The following SHROOM2 variants were observed in gnomAD, a reference collection of about 807,000 sequenced individuals.
The protein encoded by SHROOM2 is shroom family member 2, also known as protein Shroom2.
SHROOM2 carries 33 observed loss-of-function variants against 75.9 expected under a neutral mutation model. The observed-to-expected ratio is 0.43, with a 90% confidence interval of 0.33 to 0.58. The LOEUF is 0.58. Ranked by LOEUF, SHROOM2 falls within the 20% of genes least tolerant of loss-of-function variation. SHROOM2 has a pLI of 0.04. For synonymous variants in SHROOM2, 655 were observed against 663.6 expected, an observed-to-expected ratio of 0.99 and a Z score of 0.20; for missense variants, 1,434 against 1,461.2, an observed-to-expected ratio of 0.98 and a Z score of 0.30.
At chrX:9,831,643 A>G (rs1414574964) in intron 1 of SHROOM2, among the ~76,000 whole-genome samples, 1 of 112,074 alleles carries the variant, frequency 8.9e-6, no homozygotes, top group Non-Finnish European at 1.9e-5. Flanking sequence ...GGGCAATGAG[A>G]GCAAAACTCC....
intron 8 of SHROOM2, among the ~76,000 whole-genome samples, chrX:9,941,138 C>T (rs941259056): frequency 9.0e-6 from 1 of 111,269 alleles, no homozygotes; most frequent in Non-Finnish European, 1.9e-5. Context: ...TATGGCTTTT[C>T]CCTGGAACCA....
rs780154200 is a variant in SHROOM2 at position 9,919,898 on chromosome X, GA to G, written c.2892-12276del. On this transcript the variant is annotated intron_variant, in intron 5 of 9. Coordinates refer to ENST00000380913, the MANE Select transcript of SHROOM2 (RefSeq NM_001649.4). ...TCAACTCAGTACAACTCATCAGACA[GA>G]CATCTCAAATCACTACAGCTCATCA... is the stretch of plus-strand genomic sequence containing the variant. Among the ~76,000 whole-genome samples the G allele has an allele frequency of 8.1e-5, 9 of 110,660 alleles. No homozygotes were observed. The East Asian group carries it at 2.0e-3, about 25-fold the overall frequency.
chrX:9,792,034 T>C (rs1273589569), intron 1 of SHROOM2, among the ~76,000 whole-genome samples: 1 of 3,531 alleles, frequency 2.8e-4, no homozygotes, highest in African/African-American at 8.0e-4. Context: ...TAGAATAGAA[T>C]AGAATAGAAT....
intron 1 of SHROOM2, among the ~76,000 whole-genome samples, chrX:9,788,271 T>C (rs2083627796): frequency 1.2e-5 from 1 of 83,428 alleles, no homozygotes; most frequent in Non-Finnish European, 2.7e-5. Context: ...AAAAAATAGC[T>C]CTTCTAATCG....
chrX:9,827,616 G>C (rs183090776), intron 1 of SHROOM2, among the ~76,000 whole-genome samples: 9 of 109,534 alleles, frequency 8.2e-5, no homozygotes, highest in Admixed American at 2.9e-4. Flanking sequence ...AAAAGGTGTA[G>C]TCTGTGCTGA....
At chrX:9,933,680 A>G in intron 6 of SHROOM2, among the ~76,000 whole-genome samples, 1 of 111,933 alleles carries the variant, frequency 8.9e-6, no homozygotes, top group Admixed American at 9.5e-5. Flanking sequence ...AGGAGGCTGA[A>G]GTGGGAGGAT....
intron 1 of SHROOM2, among the ~76,000 whole-genome samples, chrX:9,816,141 A>G (rs146215509): frequency 1.9e-3 from 209 of 112,465 alleles, no homozygotes; most frequent in Non-Finnish European, 3.0e-3. Flanking sequence ...TCTGAATGCT[A>G]TTGTCCTATG....
chrX:9,912,107 A>AACAC (rs61080253), intron 5 of SHROOM2, among the ~76,000 whole-genome samples: 974 of 26,425 alleles, frequency 0.037, 37 homozygotes, highest in Middle Eastern at 0.079. Flanking sequence ...CCTTTCTCCA[A>AACAC]ACACACACAC....
intron 8 of SHROOM2, among the ~76,000 whole-genome samples, chrX:9,939,914 G>A (rs1459494710): frequency 9.0e-6 from 1 of 111,474 alleles, no homozygotes; most frequent in Non-Finnish European, 1.9e-5. Flanking sequence ...AGCCCCTCGA[G>A]TAGCTGGGAT....
At position 9,896,693 on chromosome X, in the gene SHROOM2, A is replaced by C; in HGVS notation, c.2785A>C (p.Lys929Gln). The change falls in exon 4 of 10, where the codon AAG becomes CAG. Residue 929 changes from lysine (K) to glutamine (Q), a missense_variant. This residue lies in a region of SHROOM2 where 1,340 missense variants were observed against 1,338.3 expected (regional missense o/e 1.00). Coordinates refer to ENST00000380913, the MANE Select transcript of SHROOM2 (RefSeq NM_001649.4). ...GTCTTCACCGTCCACAGACCACTAC[A>C]AGCAGGTAAGCATGGAGCCACAGCC... Reference protein sequence around the residue: ...SRSSPSTDHYKQEASVELRRQ... With the variant: ...SRSSPSTDHYQQEASVELRRQ... The C allele has an allele frequency of 8.5e-7, 1 of 1,172,587 alleles. No individual in the cohort carries two copies. The highest frequency in any genetic ancestry group is 1.1e-6 in the Non-Finnish European group (1 of 874,961).
intron 1 of SHROOM2, among the ~76,000 whole-genome samples, chrX:9,798,450 A>G (rs961194107): frequency 1.9e-4 from 21 of 111,894 alleles, no homozygotes; most frequent in African/African-American, 6.8e-4. Context: ...AATAAAGGAA[A>G]AGATTGATCC....
intron 1 of SHROOM2, among the ~76,000 whole-genome samples, chrX:9,794,042 G>A (rs2083681616): frequency 8.9e-6 from 1 of 112,298 alleles, no homozygotes; most frequent in African/African-American, 3.2e-5. Flanking sequence ...ACTAAGGCTG[G>A]CCTCTTCCCC....
intron 1 of SHROOM2, among the ~76,000 whole-genome samples, chrX:9,827,049 T>C (rs776996990): frequency 1.7e-4 from 19 of 109,861 alleles, no homozygotes; most frequent in Non-Finnish European, 3.2e-4. Context: ...TTGGCTGTGC[T>C]CCCTGGGGGA....
chrX:9,799,977 A>G (rs925509851), intron 1 of SHROOM2, among the ~76,000 whole-genome samples: 1 of 111,140 alleles, frequency 9.0e-6, no homozygotes, highest in East Asian at 2.8e-4. Context: ...CTGAATTTCT[A>G]ATCTTGATCA....
At chrX:9,943,790 G>A (rs2084792453) in intron 8 of SHROOM2, among the ~76,000 whole-genome samples, 1 of 112,354 alleles carries the variant, frequency 8.9e-6, no homozygotes, top group African/African-American at 3.2e-5. Context: ...GTAAAAGACT[G>A]TTAAGTTCAT....
At chrX:9,864,519 AAAAAAT>A (rs983893838) in intron 1 of SHROOM2, among the ~76,000 whole-genome samples, 8 of 111,624 alleles carry the variant, frequency 7.2e-5, no homozygotes, top group Non-Finnish European at 1.5e-4. Flanking sequence ...TCGTCTCTAC[AAAAAAT>A]AAAAATAAAT....
intron 2 of SHROOM2, among the ~76,000 whole-genome samples, chrX:9,889,699 C>A (rs968020889): frequency 1.8e-5 from 2 of 112,218 alleles, no homozygotes; most frequent in Non-Finnish European, 3.8e-5. Context: ...GGAGCCCTGG[C>A]TGAAGGGACT....
At chrX:9,795,581 A>G (rs1352058525) in intron 1 of SHROOM2, among the ~76,000 whole-genome samples, 1 of 110,731 alleles carries the variant, frequency 9.0e-6, no homozygotes, top group Non-Finnish European at 1.9e-5. Flanking sequence ...TCCCTGTTAG[A>G]GGTTGTCTTC....
rs767902445 is a variant in SHROOM2, at chrX:9,895,432, C to T, written c.1524C>T (p.Pro508=). ...CCCTTGGAGCCCTCGAGAGTCTTCC[C>T]CCACCCACGGTGGGCCAGAGCCCAC... The part of the protein sequence containing the change: ...DTALGALESL[P]PPTVGQSPRH... The change falls in exon 4 of 10, where the codon CCC becomes CCT. Residue 508 remains proline, a synonymous_variant. Transcript: ENST00000380913. 3 of 1,209,124 alleles carry T rather than the reference C, an allele frequency of 2.5e-6. No homozygotes were observed. The South Asian group carries it at 5.3e-5, about 21-fold the overall frequency.
Sources: allele counts gnomAD v4.1 joint callset (sites outside exome capture counted in the v4.1 genomes callset), GRCh38; gene constraint gnomAD v4.1.1; regional missense constraint gnomAD v4.1.1; transcripts MANE v1.5; gene names NCBI Gene and HGNC (gene_info 2026-07-23, HGNC 2026-07-21).